Variants in PPP3CC observed in about 807,000 individuals in gnomAD.
PPP3CC encodes the protein serine/threonine-protein phosphatase 2B catalytic subunit gamma isoform.
In PPP3CC, 35 loss-of-function variants were observed where a neutral mutation model predicts 60.3. The observed-to-expected ratio is 0.58, with a 90% confidence interval of 0.44 to 0.77. The LOEUF (loss-of-function observed/expected upper bound fraction) is 0.77. Ranked by LOEUF, PPP3CC falls within the 30% of genes least tolerant of loss-of-function variation. The pLI, the probability that PPP3CC is intolerant of heterozygous loss-of-function variation, is 0.00. For missense variants in PPP3CC, 570 were observed against 628.9 expected (o/e 0.91, Z 1.00); for synonymous variants, 206 against 224.3 (o/e 0.92, Z 0.73).
At chr8:22,529,690 C>T (rs983336731) in intron 10 of PPP3CC, among the ~76,000 whole-genome samples, 3 of 151,992 alleles carry the variant, frequency 2.0e-5, no homozygotes, top group African/African-American at 7.3e-5. Flanking sequence ...CGCCATGTTG[C>T]CCAGGCTAGT....
intron 3 of PPP3CC, among the ~76,000 whole-genome samples, chr8:22,482,871 A>G (rs1336536693): frequency 6.6e-6 from 1 of 152,216 alleles, no homozygotes; most frequent in Non-Finnish European, 1.5e-5. Context: ...TTAGGCTTTT[A>G]AGATAAACCT....
At chr8:22,529,577 G>T (rs146488795) in intron 10 of PPP3CC, among the ~76,000 whole-genome samples, 167 of 152,196 alleles carry the variant, frequency 1.1e-3, no homozygotes, top group African/African-American at 3.8e-3. Flanking sequence ...TTCACCTCCC[G>T]AGTTCAAGCG....
intron 4 of PPP3CC, among the ~76,000 whole-genome samples, chr8:22,505,900 CT>C (rs1031848968): frequency 1.1e-3 from 156 of 140,016 alleles, no homozygotes; most frequent in Admixed American, 8.5e-4. Context: ...GGCATCTTTT[CT>C]TTTTTTTTTT....
intron 3 of PPP3CC, among the ~76,000 whole-genome samples, chr8:22,495,521 GC>G (rs1412829492): frequency 1.3e-5 from 2 of 151,826 alleles, no homozygotes; most frequent in Non-Finnish European, 2.9e-5. Context: ...TGTCAGTTTG[GC>G]CAAATTGTTT....
intron 12 of PPP3CC, among the ~76,000 whole-genome samples, chr8:22,536,361 C>T (rs1839844996): frequency 6.6e-6 from 1 of 152,148 alleles, no homozygotes; most frequent in South Asian, 2.1e-4. Context: ...AAGGAATGTC[C>T]TATAGCATCC....
chr8:22,476,757 G>A (rs1287015795), intron 3 of PPP3CC, among the ~76,000 whole-genome samples: 2 of 151,590 alleles, frequency 1.3e-5, no homozygotes, highest in Admixed American at 6.6e-5. Flanking sequence ...ATGGTGAAAC[G>A]CCGTCTCTAC....
intron 4 of PPP3CC, among the ~76,000 whole-genome samples, chr8:22,508,863 A>T (rs143533669): frequency 6.6e-6 from 1 of 152,308 alleles, no homozygotes; most frequent in Non-Finnish European, 1.5e-5. Flanking sequence ...AATGGGCAAA[A>T]TTTAAAACAA....
chr8:22,452,602 A>G (rs1323536685), intron 1 of PPP3CC, among the ~76,000 whole-genome samples: 1 of 152,066 alleles, frequency 6.6e-6, no homozygotes, highest in Non-Finnish European at 1.5e-5. Context: ...GGCTCAAGTG[A>G]TTCTCTTGCC....
chr8:22,453,337 A>G (rs1837091925), intron 1 of PPP3CC, among the ~76,000 whole-genome samples: 1 of 152,238 alleles, frequency 6.6e-6, no homozygotes, highest in South Asian at 2.1e-4. Flanking sequence ...TATTTTATAT[A>G]GTCACGCTTA....
intron 3 of PPP3CC, among the ~76,000 whole-genome samples, chr8:22,497,794 A>G (rs1285533131): frequency 6.6e-6 from 1 of 152,210 alleles, no homozygotes; most frequent in African/African-American, 2.4e-5. Flanking sequence ...ATTTAGATAG[A>G]ACATGGGAAC....
intron 3 of PPP3CC, among the ~76,000 whole-genome samples, chr8:22,482,896 A>G (rs1169829101): frequency 2.0e-5 from 3 of 152,216 alleles, no homozygotes; most frequent in African/African-American, 7.2e-5. Context: ...GTGTCAGATC[A>G]TAACAGTCGA....
intron 1 of PPP3CC, among the ~76,000 whole-genome samples, chr8:22,454,438 A>G (rs1837129456): frequency 6.6e-6 from 1 of 152,068 alleles, no homozygotes; most frequent in South Asian, 2.1e-4. Context: ...TTTTACAGTT[A>G]CCTTTTTTTT....
At chr8:22,518,915 G>A (rs1839330021) in intron 6 of PPP3CC, among the ~76,000 whole-genome samples, 1 of 152,104 alleles carries the variant, frequency 6.6e-6, no homozygotes, top group African/African-American at 2.4e-5. Flanking sequence ...TCGAACTCCT[G>A]ACCTCAGGTG....
At chr8:22,530,829 C>CAAACAAA (rs1839691242) in intron 10 of PPP3CC, among the ~76,000 whole-genome samples, 2 of 58,048 alleles carry the variant, frequency 3.4e-5, no homozygotes, top group Admixed American at 2.7e-4. Flanking sequence ...AGACTCATCT[C>CAAACAAA]AAAAAAAAAA....
At chr8:22,474,758 ATGAC>A (rs1305377127) in intron 1 of PPP3CC, among the ~76,000 whole-genome samples, 192 bp from the exon 2 acceptor site, 1 of 152,144 alleles carries the variant, frequency 6.6e-6, no homozygotes, top group Admixed American at 6.6e-5. Flanking sequence ...AATATTTAAA[ATGAC>A]TGTCACCTTT....
intron 3 of PPP3CC, among the ~76,000 whole-genome samples, chr8:22,478,483 A>C (rs1340797134): frequency 6.6e-6 from 1 of 152,210 alleles, no homozygotes; most frequent in African/African-American, 2.4e-5. Flanking sequence ...TTATTATGCC[A>C]AATTATCTTC....
intron 2 of PPP3CC, 72 bp from the exon 3 acceptor site, chr8:22,475,428 A>T: frequency 2.7e-6 from 4 of 1,467,972 alleles, no homozygotes; most frequent in Non-Finnish European, 3.7e-6. Flanking sequence ...TTAAACTGTG[A>T]TCCCTTTTGG....
At chr8:22,480,894 A>C (rs1838043493) in intron 3 of PPP3CC, among the ~76,000 whole-genome samples, 1 of 152,232 alleles carries the variant, frequency 6.6e-6, no homozygotes, top group African/African-American at 2.4e-5. Flanking sequence ...CCAGGAGTTC[A>C]AGACCAGCCT....
intron 1 of PPP3CC, among the ~76,000 whole-genome samples, chr8:22,459,233 C>G (rs1291026862): frequency 6.6e-6 from 1 of 152,168 alleles, no homozygotes; most frequent in Non-Finnish European, 1.5e-5. Flanking sequence ...CCACTGTGCC[C>G]AGACCATTTT....
Sources: allele counts gnomAD v4.1 joint callset (sites outside exome capture counted in the v4.1 genomes callset), GRCh38; gene constraint gnomAD v4.1.1; transcripts MANE v1.5; gene names NCBI Gene and HGNC (gene_info 2026-07-23, HGNC 2026-07-21).